Variants in PSG11 observed in about 807,000 individuals in gnomAD.
PSG11 encodes the protein pregnancy specific beta-1-glycoprotein 11.
Under a neutral mutation model 36.0 loss-of-function variants are expected in PSG11, and 42 were observed. The ratio of observed to expected loss-of-function variants is 1.17; its 90% CI spans 0.91 to 1.51. The LOEUF (loss-of-function observed/expected upper bound fraction) is 1.51. PSG11 is among the 40% of genes most tolerant of loss of function. The probability of loss-of-function intolerance (pLI) is 0.00; values close to 1 mark genes in which losing one functional copy is unlikely to be tolerated. For missense variants in PSG11, 558 were observed against 403.5 expected (o/e 1.38, Z -3.28); for synonymous variants, 206 against 153.5 (o/e 1.34, Z -2.53).
Position 43,018,802 on chromosome 19 carries a change from C to G in PSG11, c.677G>C (p.Ser226Thr). Residue 226 changes from serine (S) to threonine (T), a missense_variant, in exon 3 of 6, where the codon AGC becomes ACC. Coordinates refer to ENST00000320078, the MANE Select transcript of PSG11 (RefSeq NM_002785.3). ...ECEIWNSGSA[S>T]RSDPVTLNLL... ...ATTCAGGGTGACTGGGTCACTGCGG[C>G]TGGCACTCCCTGAGTTCCATATTTC... The G allele has an allele frequency of 6.2e-7, 1 of 1,612,060 alleles. No homozygotes were observed. Among genetic ancestry groups the G allele is most frequent in the Non-Finnish European group, 8.5e-7 (1 of 1,179,064 alleles).
Position 43,014,595 on chromosome 19 carries a change from G to T in PSG11, c.964+521C>A, listed in dbSNP as rs370628044. On this transcript the variant is annotated intron_variant, in intron 4 of 5. Transcript: ENST00000320078. Reference sequence around the variant, plus strand: ...CTCCACACATGCTGGTCCCACCCCAGGTTGAGTGAGGCAGGGCCAGTCACC... The same window carrying T: ...CTCCACACATGCTGGTCCCACCCCATGTTGAGTGAGGCAGGGCCAGTCACC... 7.8e-6 allele frequency: 8 copies of T among 1,026,166 alleles called. No homozygotes were observed. The African/African-American group carries it at 1.4e-4, about 18-fold the overall frequency. 63.6% of individuals were successfully genotyped at this position (1,026,166 alleles called of 1,614,324 possible). A position where few individuals can be genotyped will look rare whatever the true frequency, so the allele number is the denominator to read the frequency against.
chr19:43,019,470 A>G, intron 2 of PSG11: 1 of 202,428 alleles, frequency 4.9e-6, no homozygotes, highest in South Asian at 1.0e-4. Flanking sequence ...TTCCCTTGCC[A>G]AGGACATCCT....
chr19:43,024,394 C>G (rs1967183768), intron 2 of PSG11: 1 of 513,458 alleles, frequency 1.9e-6, no homozygotes, highest in Non-Finnish European at 3.4e-6. Context: ...TTCTCAGGGT[C>G]AAATTTATGA....
intron 5 of PSG11, among the ~76,000 whole-genome samples, chr19:43,009,333 C>A (rs1470309765): frequency 3.3e-5 from 5 of 151,202 alleles, no homozygotes; most frequent in Non-Finnish European, 7.4e-5. Flanking sequence ...GGATTTCACT[C>A]TGTTTTTAGA....
chr19:43,013,415 G>A lies in PSG11; in HGVS notation c.964+1701C>T, dbSNP rs749755443. On this transcript the variant is annotated intron_variant, in intron 4 of 5. Coordinates refer to ENST00000320078, the MANE Select transcript of PSG11 (RefSeq NM_002785.3). Reference sequence around the variant, plus strand: ...GAAAAGCTACAAGTCAACAACAGCAGACATCCAAAAACCCAATTAAAAAAT... The same window carrying A: ...GAAAAGCTACAAGTCAACAACAGCAAACATCCAAAAACCCAATTAAAAAAT... 5.7e-4 allele frequency among the ~76,000 whole-genome samples: 87 copies of A among 151,450 alleles called. 2 individuals are homozygous for A. The highest frequency in any genetic ancestry group is 2.0e-3 in the African/African-American group (82 of 41,124).
rs531581557 is a variant in PSG11 at position 43,010,104 on chromosome 19, A to G, written c.965-63T>C. 47 of 1,564,788 alleles carry G rather than the reference A, an allele frequency of 3.0e-5. 2 individuals are homozygous for G. In the African/African-American group the frequency reaches 5.9e-4, roughly 20 times the overall value. On this transcript the variant is annotated intron_variant, in intron 4 of 5. Coordinates refer to ENST00000320078, the MANE Select transcript of PSG11 (RefSeq NM_002785.3). Reference sequence around the variant, plus strand: ...ATGTTATTTTACATGGGGGAGCGTCAGGAACAAGCATGTAACATGAGATAC... The same window carrying G: ...ATGTTATTTTACATGGGGGAGCGTCGGGAACAAGCATGTAACATGAGATAC...
At chr19:43,018,328 A>G in intron 3 of PSG11, 1 of 290,426 alleles carries the variant, frequency 3.4e-6, no homozygotes, top group East Asian at 7.8e-5. Flanking sequence ...CCTGTATGGT[A>G]ATAGGTGTAT....
chr19:43,009,803 G>A (rs1320844480), intron 5 of PSG11, among the ~76,000 whole-genome samples, 155 bp downstream of exon 5: 1 of 151,248 alleles, frequency 6.6e-6, no homozygotes, highest in Non-Finnish European at 1.5e-5. Flanking sequence ...TAAAGGCCAG[G>A]GAGAAAGGGA....
At chr19:43,014,734 T>C in intron 4 of PSG11, 1 of 1,211,316 alleles carries the variant, frequency 8.3e-7, no homozygotes, top group South Asian at 3.2e-5. Context: ...GCCTCAGATG[T>C]TCCTTGTAGT....
intron 4 of PSG11, chr19:43,014,554 G>T: frequency 1.0e-6 from 1 of 990,366 alleles, no homozygotes; most frequent in Non-Finnish European, 1.2e-6. Flanking sequence ...TTCAGGACAG[G>T]CCACCAGGAC....
intron 4 of PSG11, among the ~76,000 whole-genome samples, chr19:43,011,320 G>C (rs145669891): frequency 0.03 from 4,459 of 151,114 alleles, 183 homozygotes; most frequent in Non-Finnish European, 0.044. Context: ...ATTTATAACT[G>C]TAAACTCTTA....
Position 43,025,050 on chromosome 19 carries a change from A to T in PSG11, c.71T>A (p.Leu24His). ...KWKGLLLTAL[L>H]LNFWNLPTTA... ...GGTAGGCAAGTTCCAGAAGTTTAAAAGTAATGCTAGGAGGTGGAGAGAGCA... is the reference window on the plus strand; with the variant it reads ...GGTAGGCAAGTTCCAGAAGTTTAAATGTAATGCTAGGAGGTGGAGAGAGCA... The change falls in exon 2 of 6, where the codon CTT (leucine) becomes CAT (histidine). Residue 24 changes from leucine to histidine, a missense_variant. Leu to His is a moderately conservative substitution (Grantham distance 99, BLOSUM62 -3). Transcript: ENST00000320078. 1 of 1,609,400 alleles carries T rather than the reference A, an allele frequency of 6.2e-7. No homozygotes were observed. Among genetic ancestry groups the T allele is most frequent in the Non-Finnish European group, 8.5e-7 (1 of 1,177,620 alleles).
At chr19:43,021,933 A>T (rs979769415) in intron 2 of PSG11, among the ~76,000 whole-genome samples, 2 of 151,406 alleles carry the variant, frequency 1.3e-5, no homozygotes, top group African/African-American at 4.9e-5. Flanking sequence ...AGCATGGCTG[A>T]CTCCATCTGG....
intron 4 of PSG11, chr19:43,014,730 G>C: frequency 1.6e-6 from 2 of 1,213,846 alleles, no homozygotes; most frequent in Non-Finnish European, 2.1e-6. Flanking sequence ...CAAAGCCTCA[G>C]ATGTTCCTTG....
intron 2 of PSG11, 191 bp from the exon 3 acceptor site, chr19:43,019,239 A>C: frequency 8.0e-7 from 1 of 1,254,468 alleles, no homozygotes; most frequent in East Asian, 2.5e-5. Flanking sequence ...TGCCTGCTTT[A>C]TGTGGGAGAA....
rs185192468 is a variant in PSG11 at position 43,023,631 on chromosome 19, C to G, written c.430+1060G>C. On this transcript the variant is annotated intron_variant, in intron 2 of 5. Transcript: ENST00000320078. ...AGAGAGGATTTGAGCCAATAAATGACTATGGGGTGCTTGGAACCCAGTAAG... is the reference window on the plus strand; with the variant it reads ...AGAGAGGATTTGAGCCAATAAATGAGTATGGGGTGCTTGGAACCCAGTAAG... Among the ~76,000 whole-genome samples the G allele has an allele frequency of 1.8e-3, 267 of 151,286 alleles. 8 individuals carry two copies. Among genetic ancestry groups the G allele is most frequent in the African/African-American group, 5.3e-3 (218 of 41,026 alleles).
At position 43,024,922 on chromosome 19, in the gene PSG11, A is replaced by G. The variant is rs1967201861; in HGVS notation, c.199T>C (p.Trp67Arg). ...NLPQNLTGYIWYKGQIRDLYH... is the reference protein window; with the variant it reads ...NLPQNLTGYIRYKGQIRDLYH... ...AGGTCCCTGATTTGCCCTTTGTACC[A>G]GATGTAGCCAGTAAGATTCTGGGGC... Residue 67 changes from tryptophan to arginine, a missense_variant, in exon 2 of 6, where the codon TGG becomes CGG. Trp to Arg is a moderately radical substitution (Grantham distance 101). Transcript: ENST00000320078. 6.2e-7 allele frequency: 1 copy of G among 1,611,860 alleles called. No individual in the cohort carries two copies. Among genetic ancestry groups the G allele is most frequent in the Admixed American group, 1.7e-5 (1 of 59,850 alleles).
In PSG11 at chr19:43,026,342, C is replaced by A. The variant is rs140267074; in HGVS notation, c.31G>T (p.Glu11Ter). The A allele has an allele frequency of 2.5e-6, 4 of 1,611,158 alleles. No individual in the cohort carries two copies. In the Admixed American group the frequency reaches 6.7e-5, roughly 27 times the overall value. MGPLSAPPCT[E>*]HIKWKGLLLT... ...AGGAGCCCCTTCCATTTGATGTGCT[C>A]TGTGCAGGGAGGGGCTGAGAGGGGC... The change falls in exon 1 of 6, where the codon GAG (glutamate) becomes TAG (stop). Residue 11 changes from glutamate (E) to a stop codon, truncating the protein, a stop_gained. Transcript: ENST00000320078. LOFTEE classifies it high-confidence loss of function.
chr19:43,018,291 A>C (rs767836570), intron 3 of PSG11: 2 of 215,560 alleles, frequency 9.3e-6, no homozygotes, highest in African/African-American at 4.6e-5. Flanking sequence ...GTGAGTGTCT[A>C]TGAGACAGGA....
Sources: allele counts gnomAD v4.1 joint callset (sites outside exome capture counted in the v4.1 genomes callset), GRCh38; gene constraint gnomAD v4.1.1; transcripts MANE v1.5; gene names NCBI Gene and HGNC (gene_info 2026-07-23, HGNC 2026-07-21).